The following GRM7 variants were observed in gnomAD, a reference collection of about 807,000 sequenced individuals.
GRM7 encodes the protein metabotropic glutamate receptor 7.
GRM7 carries 35 observed loss-of-function variants against 84.5 expected under a neutral mutation model. The ratio of observed to expected loss-of-function variants is 0.41; its 90% CI spans 0.32 to 0.55. GRM7 has a LOEUF of 0.55. Ranked by LOEUF, GRM7 falls within the 20% of genes least tolerant of loss-of-function variation. The probability of loss-of-function intolerance (pLI) is 0.19; values close to 1 mark genes in which losing one functional copy is unlikely to be tolerated. For missense variants in GRM7, 1,003 were observed against 1,194.6 expected (o/e 0.84, Z 2.36); for synonymous variants, 487 against 455.1 (o/e 1.07, Z -0.89).
chr3:6,906,148 GA>G (rs1311902696), intron 1 of GRM7, among the ~76,000 whole-genome samples: 1 of 152,190 alleles, frequency 6.6e-6, no homozygotes, highest in Non-Finnish European at 1.5e-5. Context: ...GATCTTGTCA[GA>G]TGACGCCTCA....
At chr3:7,467,965 A>G (rs1461545530) in intron 7 of GRM7, among the ~76,000 whole-genome samples, 3 of 152,186 alleles carry the variant, frequency 2.0e-5, no homozygotes, top group Non-Finnish European at 4.4e-5. Flanking sequence ...TCCATATTGA[A>G]TCTTTCACAC....
At chr3:7,035,197 C>G (rs536856828) in intron 1 of GRM7, among the ~76,000 whole-genome samples, 13 of 152,264 alleles carry the variant, frequency 8.5e-5, no homozygotes, top group African/African-American at 3.1e-4. Context: ...TCTGTGAAAT[C>G]AGAGATGTGC....
intron 1 of GRM7, among the ~76,000 whole-genome samples, chr3:6,871,642 A>G (rs1278394083): frequency 6.6e-6 from 1 of 151,972 alleles, no homozygotes; most frequent in African/African-American, 2.4e-5. Context: ...TCATTTGGCT[A>G]CCAGATATTG....
At chr3:6,885,578 C>T (rs1244264784) in intron 1 of GRM7, among the ~76,000 whole-genome samples, 1 of 152,198 alleles carries the variant, frequency 6.6e-6, no homozygotes, top group Non-Finnish European at 1.5e-5. Flanking sequence ...AAGCCTAGTC[C>T]TGCCTCCTAC....
chr3:6,920,079 A>T (rs1415794449), intron 1 of GRM7, among the ~76,000 whole-genome samples: 2 of 152,232 alleles, frequency 1.3e-5, no homozygotes, highest in African/African-American at 2.4e-5. Context: ...TGATTAATAT[A>T]TAATACATAT....
chr3:7,101,642 A>T (rs1337849451), intron 1 of GRM7, among the ~76,000 whole-genome samples: 1 of 150,780 alleles, frequency 6.6e-6, no homozygotes, highest in Middle Eastern at 3.2e-3. Context: ...TCCTCCTTTT[A>T]TCCCTTCTTT....
intron 2 of GRM7, among the ~76,000 whole-genome samples, chr3:7,166,298 A>T (rs1032870399): frequency 2.6e-5 from 4 of 152,126 alleles, no homozygotes; most frequent in Non-Finnish European, 4.4e-5. Flanking sequence ...TACCTGTAAC[A>T]TTGTGATATT....
chr3:7,438,279 G>A (rs1260839811), intron 5 of GRM7, among the ~76,000 whole-genome samples: 1 of 152,062 alleles, frequency 6.6e-6, no homozygotes, highest in Non-Finnish European at 1.5e-5. Flanking sequence ...AAGGGCAGTG[G>A]TTGTGGAGAT....
intron 1 of GRM7, among the ~76,000 whole-genome samples, chr3:6,945,455 T>A (rs1698035557): frequency 2.0e-5 from 3 of 152,268 alleles, no homozygotes; most frequent in East Asian, 3.9e-4. Context: ...CTTAATCCAG[T>A]CTATCATTGT....
At chr3:7,272,394 A>G (rs532994169) in intron 2 of GRM7, among the ~76,000 whole-genome samples, 1 of 152,178 alleles carries the variant, frequency 6.6e-6, no homozygotes, top group African/African-American at 2.4e-5. Flanking sequence ...GTCATGAGTT[A>G]ATATATGGAA....
chr3:7,437,659 A>G (rs903611520), intron 5 of GRM7, among the ~76,000 whole-genome samples: 3 of 151,820 alleles, frequency 2.0e-5, no homozygotes, highest in Admixed American at 6.6e-5. Flanking sequence ...TTTATAGCTG[A>G]TTCACGTCTG....
chr3:7,141,577 A>G (rs1693945386), intron 1 of GRM7, among the ~76,000 whole-genome samples: 2 of 152,110 alleles, frequency 1.3e-5, no homozygotes, highest in Non-Finnish European at 2.9e-5. Flanking sequence ...CCTAAAAATA[A>G]TTATCCTAAG....
chr3:7,521,616 G>C (rs978449810), intron 7 of GRM7, among the ~76,000 whole-genome samples: 1 of 152,164 alleles, frequency 6.6e-6, no homozygotes, highest in South Asian at 2.1e-4. Context: ...TAATGGTATT[G>C]TGTGATGGCA....
chr3:7,563,948 A>T (rs1162686284), intron 7 of GRM7, among the ~76,000 whole-genome samples: 1 of 152,110 alleles, frequency 6.6e-6, no homozygotes, highest in Non-Finnish European at 1.5e-5. Context: ...GTGGAGGGAG[A>T]TGGACACAGA....
At chr3:7,251,979 G>A (rs1446845406) in intron 2 of GRM7, among the ~76,000 whole-genome samples, 1 of 152,074 alleles carries the variant, frequency 6.6e-6, no homozygotes, top group African/African-American at 2.4e-5. Context: ...CAATTATTAG[G>A]AGTAATATTT....
chr3:6,947,040 T>G (rs141031639), intron 1 of GRM7, among the ~76,000 whole-genome samples: 10,206 of 152,182 alleles, frequency 0.067, 480 homozygotes, highest in African/African-American at 0.13. Context: ...TGAATGCCCT[T>G]TATTTCCTTA....
rs556865182 is a variant in GRM7, at chr3:6,992,901, G to A, written c.519+130994G>A. ...TCAATGAGACAATGCAGCACCCTGT[G>A]ACACAGATCAGGGCAGAGAAAGATA... is the stretch of plus-strand genomic sequence containing the variant. On this transcript the variant is annotated intron_variant, in intron 1 of 9. Transcript: ENST00000357716. Among the ~76,000 whole-genome samples, 116 of 152,290 alleles carry A rather than the reference G, an allele frequency of 7.6e-4. 1 individual carries two copies. The highest frequency in any genetic ancestry group is 1.2e-3 in the South Asian group (6 of 4,832).
intron 2 of GRM7, among the ~76,000 whole-genome samples, chr3:7,171,330 G>T (rs893867056): frequency 6.6e-6 from 1 of 151,994 alleles, no homozygotes; most frequent in African/African-American, 2.4e-5. Context: ...CCAGATTAGG[G>T]CCCAGCCTAA....
intron 8 of GRM7, among the ~76,000 whole-genome samples, chr3:7,678,380 T>C (rs1055662449): frequency 3.9e-5 from 6 of 152,122 alleles, no homozygotes; most frequent in African/African-American, 9.7e-5. Flanking sequence ...TAAGATCCCA[T>C]AGGTTTGTTG....
Sources: allele counts gnomAD v4.1 joint callset (sites outside exome capture counted in the v4.1 genomes callset), GRCh38; gene constraint gnomAD v4.1.1; transcripts MANE v1.5; gene names NCBI Gene and HGNC (gene_info 2026-07-23, HGNC 2026-07-21).